Variants in GRID2 observed in about 807,000 individuals in gnomAD.
The protein encoded by GRID2 is glutamate receptor ionotropic, delta-2.
In GRID2, 33 loss-of-function variants were observed where a neutral mutation model predicts 114.8. The ratio of observed to expected loss-of-function variants is 0.29; its 90% confidence interval spans 0.22 to 0.38. The LOEUF is 0.38. Ranked by LOEUF, GRID2 falls within the 10% of genes least tolerant of loss-of-function variation. GRID2 has a pLI of 1.00. For synonymous variants in GRID2, 505 were observed against 449.9 expected, an observed-to-expected ratio of 1.12 and a Z score of -1.55; for missense variants, 1,184 against 1,257.7, an observed-to-expected ratio of 0.94 and a Z score of 0.89.
intron 2 of GRID2, among the ~76,000 whole-genome samples, chr4:92,610,924 G>A (rs1310948609): frequency 6.6e-6 from 1 of 151,506 alleles, no homozygotes; most frequent in Non-Finnish European, 1.5e-5. Context: ...CTATTATAGG[G>A]ATATATCATT....
intron 2 of GRID2, among the ~76,000 whole-genome samples, chr4:92,696,584 A>G (rs554314811): frequency 6.6e-6 from 1 of 152,280 alleles, no homozygotes; most frequent in South Asian, 2.1e-4. Context: ...AACTATATTC[A>G]TGCTAAAGTC....
At chr4:93,572,185 G>A (rs1161124385) in intron 13 of GRID2, among the ~76,000 whole-genome samples, 1 of 151,908 alleles carries the variant, frequency 6.6e-6, no homozygotes, top group African/African-American at 2.4e-5. Flanking sequence ...TAAAGACATC[G>A]GCAAAACTCT....
chr4:93,744,031 A>G (rs146921343), intron 14 of GRID2, among the ~76,000 whole-genome samples: 1 of 152,348 alleles, frequency 6.6e-6, no homozygotes, highest in East Asian at 1.9e-4. Context: ...AAATGGAACG[A>G]TAAAGCCTGG....
intron 8 of GRID2, among the ~76,000 whole-genome samples, chr4:93,316,339 A>AGAAAGAAAGAAAGAAG (rs1192535496): frequency 0.011 from 614 of 54,842 alleles, no homozygotes; most frequent in Admixed American, 0.016. Context: ...AAAGAAAGAA[A>AGAAAGAAAGAAAGAAG]GAAGGAAGGA....
chr4:92,478,582 T>A (rs548793289), intron 1 of GRID2, among the ~76,000 whole-genome samples: 1 of 152,134 alleles, frequency 6.6e-6, no homozygotes. Flanking sequence ...GCACATTTTT[T>A]AATGGCCATT....
intron 1 of GRID2, among the ~76,000 whole-genome samples, chr4:93,789,521 C>A (rs1202277722): frequency 6.6e-6 from 1 of 152,156 alleles, no homozygotes; most frequent in African/African-American, 2.4e-5. Flanking sequence ...ATTTTCCAAT[C>A]CAGCATACAG....
chr4:93,207,792 T>C (rs150565333), intron 5 of GRID2, among the ~76,000 whole-genome samples: 1 of 152,090 alleles, frequency 6.6e-6, no homozygotes, highest in Non-Finnish European at 1.5e-5. Context: ...GTGCTTGTGT[T>C]CCATTTATAT....
In GRID2 at chr4:93,477,537, ACT is replaced by A. The variant is rs1225657261; in HGVS notation, c.1859-13097_1859-13096del. Among the ~76,000 whole-genome samples the A allele has an allele frequency of 2.6e-5, 4 of 152,192 alleles. No homozygotes were observed. In the East Asian group the frequency reaches 7.8e-4, roughly 29 times the overall value. On this transcript the variant is annotated intron_variant, in intron 11 of 15. Transcript: ENST00000282020. The stretch of plus-strand genomic sequence containing the variant: ...GATATTTAGAAGCTTGTTTAGAAAC[ACT>A]CTCTTAAAACAGATAAAAGAACTTC...
intron 1 of GRID2, among the ~76,000 whole-genome samples, chr4:92,308,683 A>G (rs1560559304): frequency 1.3e-5 from 2 of 152,100 alleles, no homozygotes; most frequent in African/African-American, 4.8e-5. Context: ...ACTAAGGATT[A>G]TTTTGACAAT....
intron 2 of GRID2, among the ~76,000 whole-genome samples, chr4:93,027,537 C>A (rs965207182): frequency 5.3e-5 from 8 of 152,064 alleles, no homozygotes; most frequent in African/African-American, 1.9e-4. Flanking sequence ...TCTTTGCCTA[C>A]CTGTCTTGCA....
chr4:92,567,043 A>G (rs1259371425), intron 1 of GRID2, among the ~76,000 whole-genome samples: 3 of 152,012 alleles, frequency 2.0e-5, no homozygotes, highest in Non-Finnish European at 2.9e-5. Flanking sequence ...TTACACCTTA[A>G]AAGTTTAAAA....
chr4:93,313,193 A>C (rs1234492846), intron 8 of GRID2, among the ~76,000 whole-genome samples: 1 of 152,178 alleles, frequency 6.6e-6, no homozygotes, highest in Non-Finnish European at 1.5e-5. Flanking sequence ...CATTGACATA[A>C]TCTGAAATGC....
chr4:92,347,833 T>A (rs1471256452), intron 1 of GRID2, among the ~76,000 whole-genome samples: 1 of 152,140 alleles, frequency 6.6e-6, no homozygotes, highest in Non-Finnish European at 1.5e-5. Context: ...CATACATTAG[T>A]GCATTAATAT....
At chr4:93,341,282 T>C (rs966463719) in intron 8 of GRID2, among the ~76,000 whole-genome samples, 8 of 151,974 alleles carry the variant, frequency 5.3e-5, no homozygotes, top group African/African-American at 9.7e-5. Context: ...AACTTTTTTT[T>C]CCCCTTTAAA....
intron 14 of GRID2, among the ~76,000 whole-genome samples, chr4:93,664,691 G>T (rs77705740): frequency 2.0e-5 from 3 of 152,094 alleles, no homozygotes. Context: ...GACGTGGGAC[G>T]TTTGAAGCTG....
intron 1 of GRID2, among the ~76,000 whole-genome samples, chr4:92,556,331 T>A (rs1726848303): frequency 6.6e-6 from 1 of 152,144 alleles, no homozygotes; most frequent in South Asian, 2.1e-4. Context: ...AAATTTGAAA[T>A]CAAATTTTAG....
chr4:92,650,369 A>G (rs1305999128), intron 2 of GRID2, among the ~76,000 whole-genome samples: 1 of 151,948 alleles, frequency 6.6e-6, no homozygotes, highest in African/African-American at 2.4e-5. Flanking sequence ...AGCCTGGACT[A>G]TTGTTAGTCC....
intron 2 of GRID2, among the ~76,000 whole-genome samples, chr4:93,001,386 G>A (rs1478292152): frequency 6.6e-6 from 1 of 151,618 alleles, no homozygotes; most frequent in African/African-American, 2.4e-5. Context: ...GGAACCAAGT[G>A]TCACAGTTAG....
chr4:92,929,392 A>G (rs865932645), intron 2 of GRID2, among the ~76,000 whole-genome samples: 1 of 151,156 alleles, frequency 6.6e-6, no homozygotes, highest in Non-Finnish European at 1.5e-5. Flanking sequence ...TAAAAAAATT[A>G]TTTCTTCTTT....
Sources: allele counts gnomAD v4.1 joint callset (sites outside exome capture counted in the v4.1 genomes callset), GRCh38; gene constraint gnomAD v4.1.1; transcripts MANE v1.5; gene names NCBI Gene and HGNC (gene_info 2026-07-23, HGNC 2026-07-21).